The following DLG2 variants were observed in gnomAD, a reference collection of about 807,000 sequenced individuals.
The protein encoded by DLG2 is disks large homolog 2.
DLG2 carries 45 observed loss-of-function variants against 132.5 expected under a neutral mutation model. The observed-to-expected ratio is 0.34, with a 90% CI of 0.27 to 0.44. DLG2 has a LOEUF of 0.44. DLG2 is among the 20% of genes least tolerant of loss of function. The probability of loss-of-function intolerance (pLI) is 1.00; values close to 1 mark genes in which losing one functional copy is unlikely to be tolerated. For missense variants in DLG2, 1,045 were observed against 1,196.9 expected, an observed-to-expected ratio of 0.87 and a Z score of 1.87; for synonymous variants, 424 against 419.6, an observed-to-expected ratio of 1.01 and a Z score of -0.13.
chr11:84,173,710 C>T (rs974628239), intron 8 of DLG2, among the ~76,000 whole-genome samples: 6 of 152,086 alleles, frequency 3.9e-5, no homozygotes, highest in African/African-American at 1.4e-4. Flanking sequence ...GTTTGTGTTC[C>T]ACTATTATAC....
chr11:84,256,052 C>G (rs2097463778), intron 7 of DLG2, among the ~76,000 whole-genome samples: 1 of 151,990 alleles, frequency 6.6e-6, no homozygotes, highest in Non-Finnish European at 1.5e-5. Context: ...AGCCACCTTC[C>G]TATCCTTGGG....
chr11:83,505,215 C>A (rs2094632797), intron 21 of DLG2, among the ~76,000 whole-genome samples: 1 of 152,194 alleles, frequency 6.6e-6, no homozygotes, highest in African/African-American at 2.4e-5. Context: ...ATATAACCTG[C>A]CACCAGGTAG....
rs569147996 is a variant in DLG2 at position 84,047,655 on chromosome 11, T to C, written c.919+11660A>G. Among the ~76,000 whole-genome samples, 123 of 151,730 alleles carry C rather than the reference T, an allele frequency of 8.1e-4. 2 individuals carry two copies. The highest frequency in any genetic ancestry group is 2.7e-3 in the African/African-American group (113 of 41,472). On this transcript the variant is annotated intron_variant, in intron 11 of 27. Coordinates refer to ENST00000376104, the MANE Select transcript of DLG2 (RefSeq NM_001142699.3). Reference sequence around the variant, plus strand: ...CAATTATTTAAATCTGAAATTTTCATTGTAAAAATAATTTTGACTTCAAAA... The same window carrying C: ...CAATTATTTAAATCTGAAATTTTCACTGTAAAAATAATTTTGACTTCAAAA...
rs548040712 is a variant in DLG2, at chr11:84,490,888, T to C, written c.519+43682A>G. Among the ~76,000 whole-genome samples the C allele has an allele frequency of 4.7e-4, 70 of 149,268 alleles. No homozygotes were observed. In the South Asian group the frequency reaches 0.014, roughly 31 times the overall value. ...ATTCTAACAGATCTGAATGGTTGCG[T>C]GTGTGTGTGTGTGTGTGTGTGCATA... On this transcript the variant is annotated intron_variant, in intron 7 of 27. Transcript: ENST00000376104.
chr11:83,966,136 A>G (rs982874025), intron 12 of DLG2, among the ~76,000 whole-genome samples: 3 of 152,004 alleles, frequency 2.0e-5, no homozygotes, highest in Non-Finnish European at 4.4e-5. Flanking sequence ...ATTTACCCAT[A>G]CAAGTGAAAC....
intron 7 of DLG2, among the ~76,000 whole-genome samples, chr11:84,441,276 A>G (rs2099016646): frequency 6.6e-6 from 1 of 151,966 alleles, no homozygotes; most frequent in Admixed American, 6.6e-5. Flanking sequence ...CCTCCAGGGT[A>G]GGTAGGACAG....
At chr11:85,039,953 C>A (rs1324652624) in intron 6 of DLG2, among the ~76,000 whole-genome samples, 2 of 151,832 alleles carry the variant, frequency 1.3e-5, no homozygotes, top group African/African-American at 2.4e-5. Context: ...TTTGTGAATT[C>A]TCTCCTTTGG....
At chr11:85,471,709 T>A (rs1565542247) in intron 3 of DLG2, among the ~76,000 whole-genome samples, 1 of 152,050 alleles carries the variant, frequency 6.6e-6, no homozygotes, top group East Asian at 1.9e-4. Flanking sequence ...GAAGTGAGAA[T>A]GATCAAGCAC....
chr11:84,686,206 C>T (rs960280332), intron 6 of DLG2, among the ~76,000 whole-genome samples: 1 of 152,190 alleles, frequency 6.6e-6, no homozygotes, highest in Non-Finnish European at 1.5e-5. Flanking sequence ...TAAGGTCAGA[C>T]ATGAAATGCT....
At chr11:84,537,767 A>T (rs1255894744) in intron 6 of DLG2, among the ~76,000 whole-genome samples, 1 of 152,214 alleles carries the variant, frequency 6.6e-6, no homozygotes, top group Non-Finnish European at 1.5e-5. Context: ...GTCTTTAGTC[A>T]TATGCACAAC....
intron 18 of DLG2, among the ~76,000 whole-genome samples, chr11:83,772,929 T>A (rs970981887): frequency 1.2e-4 from 19 of 152,336 alleles, no homozygotes; most frequent in African/African-American, 4.3e-4. Flanking sequence ...ATATGTGACT[T>A]CTCAGTGTAC....
At chr11:85,138,114 C>A (rs762786796) in intron 5 of DLG2, among the ~76,000 whole-genome samples, 3 of 151,930 alleles carry the variant, frequency 2.0e-5, no homozygotes, top group Non-Finnish European at 4.4e-5. Flanking sequence ...AGTTTTAACC[C>A]ATCTTTTAAT....
chr11:84,398,443 G>A (rs755332875), intron 7 of DLG2, among the ~76,000 whole-genome samples: 11 of 152,186 alleles, frequency 7.2e-5, no homozygotes, highest in Non-Finnish European at 1.3e-4. Context: ...TGGTGACCAG[G>A]AAGGCAGAAA....
intron 6 of DLG2, among the ~76,000 whole-genome samples, chr11:84,586,348 T>C (rs2099529944): frequency 6.6e-6 from 1 of 152,204 alleles, no homozygotes; most frequent in East Asian, 1.9e-4. Flanking sequence ...TATTTTGTCT[T>C]GAAGTTGATT....
intron 18 of DLG2, chr11:83,724,919 C>A: frequency 1.4e-6 from 1 of 702,498 alleles, no homozygotes; most frequent in South Asian, 1.5e-5. Context: ...CCAAATTCAG[C>A]TCTGTTCCCT....
intron 3 of DLG2, among the ~76,000 whole-genome samples, chr11:85,382,827 A>G (rs1322348512): frequency 6.6e-6 from 1 of 152,162 alleles, no homozygotes; most frequent in Non-Finnish European, 1.5e-5. Context: ...TACAATAAAA[A>G]TGACAAATAA....
chr11:83,577,199 A>G (rs769153334), intron 19 of DLG2, among the ~76,000 whole-genome samples: 15 of 152,010 alleles, frequency 9.9e-5, no homozygotes, highest in Non-Finnish European at 1.5e-4. Context: ...TCGGACTCCA[A>G]GTTCTTCAGT....
At chr11:85,487,981 G>A (rs537370814) in intron 3 of DLG2, among the ~76,000 whole-genome samples, 10 of 152,272 alleles carry the variant, frequency 6.6e-5, no homozygotes, top group Admixed American at 2.6e-4. Context: ...GAATCATGAG[G>A]GTGGTTTCCC....
At chr11:84,514,099 A>G (rs544113767) in intron 7 of DLG2, among the ~76,000 whole-genome samples, 7 of 152,266 alleles carry the variant, frequency 4.6e-5, no homozygotes, top group East Asian at 3.9e-4. Flanking sequence ...CGTGCTCAAC[A>G]TCACCGATCA....
Sources: gnomAD v4.1 joint callset for allele counts (sites outside exome capture counted in the v4.1 genomes callset) on GRCh38, gnomAD v4.1.1 for gene constraint, MANE v1.5 for transcripts, NCBI Gene and HGNC (gene_info 2026-07-23, HGNC 2026-07-21) for gene names.